Variants in EXTL3 observed in about 807,000 individuals in gnomAD.
EXTL3 encodes exostosin-like 3.
A neutral mutation model predicts 69.3 loss-of-function variants in EXTL3; 27 were observed. The observed-to-expected ratio is 0.39, with a 90% CI of 0.29 to 0.54. The LOEUF (loss-of-function observed/expected upper bound fraction) is 0.54. EXTL3 is among the 20% of genes least tolerant of loss of function. The pLI is 0.69. For missense variants in EXTL3, 1,003 were observed against 1,231.8 expected, an observed-to-expected ratio of 0.81 and a Z score of 2.78; for synonymous variants, 511 against 499.4, an observed-to-expected ratio of 1.02 and a Z score of -0.31.
At chr8:28,670,208 C>CA (rs369464596) in intron 1 of EXTL3, among the ~76,000 whole-genome samples, 4 of 80,412 alleles carry the variant, frequency 5.0e-5, no homozygotes, top group South Asian at 5.1e-4. Flanking sequence ...GACTCTGTCT[C>CA]AAAAAAAAAA....
At chr8:28,633,971 A>G (rs1806613956) in intron 1 of EXTL3, among the ~76,000 whole-genome samples, 1 of 152,124 alleles carries the variant, frequency 6.6e-6, no homozygotes, top group Non-Finnish European at 1.5e-5. Flanking sequence ...TCAGACACGG[A>G]ATCTGGTAGG....
At chr8:28,724,606 A>T (rs1429757399) in intron 3 of EXTL3, among the ~76,000 whole-genome samples, 2 of 128,576 alleles carry the variant, frequency 1.6e-5, no homozygotes, top group Non-Finnish European at 3.3e-5. Context: ...TCTCTGCTTT[A>T]AAAAAAAAAA....
At chr8:28,649,812 A>G (rs763740833) in intron 1 of EXTL3, among the ~76,000 whole-genome samples, 1 of 152,108 alleles carries the variant, frequency 6.6e-6, no homozygotes, top group Non-Finnish European at 1.5e-5. Context: ...CAAATCATGT[A>G]TACATTATTC....
intron 4 of EXTL3, among the ~76,000 whole-genome samples, chr8:28,737,057 T>C (rs1273719312): frequency 2.6e-5 from 4 of 152,218 alleles, no homozygotes; most frequent in Non-Finnish European, 4.4e-5. Context: ...GCAATCCTCC[T>C]GTGTTGGCCT....
chr8:28,755,897 T>C (rs1054548593), downstream of EXTL3, among the ~76,000 whole-genome samples: 5 of 152,202 alleles, frequency 3.3e-5, no homozygotes, highest in African/African-American at 4.8e-5. Flanking sequence ...TAAATGTCTA[T>C]GTCATTTTAC....
intron 1 of EXTL3, among the ~76,000 whole-genome samples, chr8:28,702,730 A>G (rs1800838517): frequency 6.6e-6 from 1 of 152,174 alleles, no homozygotes; most frequent in Admixed American, 6.5e-5. Context: ...GATTTACTTA[A>G]GAGTCGTCTT....
chr8:28,634,749 C>T (rs1806625493), intron 1 of EXTL3, among the ~76,000 whole-genome samples: 2 of 152,076 alleles, frequency 1.3e-5, no homozygotes, highest in Admixed American at 1.3e-4. Flanking sequence ...CGTGCACCAC[C>T]ACACCCAGCT....
chr8:28,676,109 C>T (rs928707395), intron 1 of EXTL3, among the ~76,000 whole-genome samples: 8 of 151,480 alleles, frequency 5.3e-5, no homozygotes, highest in Admixed American at 1.3e-4. Context: ...AGGTGGTCCA[C>T]GTGAGTGAAC....
chr8:28,756,071 A>G (rs976344891), downstream of EXTL3, among the ~76,000 whole-genome samples: 14 of 152,136 alleles, frequency 9.2e-5, no homozygotes, highest in African/African-American at 2.7e-4. Flanking sequence ...TTATAGGTCA[A>G]TGTTTGTGTT....
chr8:28,678,679 T>C (rs990535288), intron 1 of EXTL3, among the ~76,000 whole-genome samples: 2 of 152,152 alleles, frequency 1.3e-5, no homozygotes, highest in African/African-American at 4.8e-5. Flanking sequence ...TATAAATTAA[T>C]TACCCAGCCT....
At chr8:28,621,916 CTTAT>C (rs1806413416), upstream of EXTL3, among the ~76,000 whole-genome samples, 1 of 152,176 alleles carries the variant, frequency 6.6e-6, no homozygotes, top group African/African-American at 2.4e-5. Context: ...TGTTCATATT[CTTAT>C]TTAAATAGCG....
chr8:28,755,608 G>C (rs1404050342), downstream of EXTL3: 1 of 152,214 alleles, frequency 6.6e-6, no homozygotes, highest in South Asian at 2.1e-4. Context: ...AATTAGCCAG[G>C]TGTGGTGGCA....
At chr8:28,729,456 C>A (rs905213572) in intron 3 of EXTL3, among the ~76,000 whole-genome samples, 2 of 150,706 alleles carry the variant, frequency 1.3e-5, no homozygotes, top group African/African-American at 2.4e-5. Context: ...AATAGCCAGG[C>A]GTGGTGGTAG....
intron 1 of EXTL3, among the ~76,000 whole-genome samples, chr8:28,627,994 C>T (rs1445428731): frequency 6.6e-6 from 1 of 151,994 alleles, no homozygotes; most frequent in Non-Finnish European, 1.5e-5. Context: ...TGAAAAAGTT[C>T]TAGAGAAGGA....
Position 28,753,737 on chromosome 8 carries a change from C to T in EXTL3, c.*2871C>T, listed in dbSNP as rs1802062752. 1 of 152,644 alleles carries T rather than the reference C, an allele frequency of 6.6e-6. No homozygotes were observed. The highest frequency in any genetic ancestry group is 1.5e-5 in the Non-Finnish European group (1 of 68,064). 9.5% of individuals were successfully genotyped at this position (152,644 alleles called of 1,614,324 possible). A position where few individuals can be genotyped will look rare whatever the true frequency, so the allele number is the denominator to read the frequency against. On this transcript the variant is annotated 3_prime_UTR_variant, in exon 7 of 7. Coordinates refer to ENST00000220562, the MANE Select transcript of EXTL3 (RefSeq NM_001440.4). Reference sequence around the variant, plus strand: ...TTCCTCAGCAAGTATGGAAGAGTGACCTGAGAGAAGGCACCTGCTTGATTG... The same window carrying T: ...TTCCTCAGCAAGTATGGAAGAGTGATCTGAGAGAAGGCACCTGCTTGATTG...
intron 1 of EXTL3, among the ~76,000 whole-genome samples, chr8:28,710,145 C>T (rs934762637): frequency 6.6e-6 from 1 of 152,124 alleles, no homozygotes; most frequent in Non-Finnish European, 1.5e-5. Context: ...CTGTCATGAT[C>T]CTGTTCTAGT....
chr8:28,673,375 C>T (rs760731834), intron 1 of EXTL3, among the ~76,000 whole-genome samples: 18 of 152,120 alleles, frequency 1.2e-4, no homozygotes, highest in Non-Finnish European at 2.2e-4. Context: ...GATTGCCTTC[C>T]CTAATGTGAG....
At chr8:28,671,571 C>T (rs1378690587) in intron 1 of EXTL3, among the ~76,000 whole-genome samples, 1 of 151,758 alleles carries the variant, frequency 6.6e-6, no homozygotes, top group South Asian at 2.1e-4. Context: ...AACTCCTGAC[C>T]TCAGGTGGTC....
At chr8:28,694,832 C>T (rs532095135) in intron 1 of EXTL3, among the ~76,000 whole-genome samples, 9 of 152,062 alleles carry the variant, frequency 5.9e-5, no homozygotes, top group African/African-American at 1.9e-4. Flanking sequence ...GGCAACCTGG[C>T]GAAACCCCAT....
Sources: gnomAD v4.1 joint callset for allele counts (sites outside exome capture counted in the v4.1 genomes callset) on GRCh38, gnomAD v4.1.1 for gene constraint, MANE v1.5 for transcripts, NCBI Gene and HGNC (gene_info 2026-07-23, HGNC 2026-07-21) for gene names.